RFTN2: variants seen among roughly 807,000 people sequenced by gnomAD.
RFTN2 encodes the protein raftlin family member 2.
In RFTN2, 34 loss-of-function variants were observed where a neutral mutation model predicts 52.7. The observed-to-expected ratio is 0.64, with a 90% CI of 0.49 to 0.86. The LOEUF (loss-of-function observed/expected upper bound fraction) is 0.86, where lower values mean the gene tolerates loss of function less well. Ranked by LOEUF, RFTN2 falls within the 40% of genes least tolerant of loss-of-function variation. The pLI is 0.00. For missense variants in RFTN2, 536 were observed against 600.1 expected (o/e 0.89, Z 1.12); for synonymous variants, 203 against 217.7 (o/e 0.93, Z 0.59).
chr2:197,673,896 TAC>T (rs1372974673), intron 1 of RFTN2, among the ~76,000 whole-genome samples: 2 of 152,170 alleles, frequency 1.3e-5, no homozygotes, highest in African/African-American at 4.8e-5. Context: ...AATTCATGAA[TAC>T]ACAGTGTTTC....
At chr2:197,621,530 A>G (rs1239793718) in intron 5 of RFTN2, among the ~76,000 whole-genome samples, 1 of 150,946 alleles carries the variant, frequency 6.6e-6, no homozygotes, top group Non-Finnish European at 1.5e-5. Context: ...TTCTTGCAAT[A>G]TTTCAACCTT....
At chr2:197,600,641 C>T (rs989310488) in intron 7 of RFTN2, among the ~76,000 whole-genome samples, 5 of 152,060 alleles carry the variant, frequency 3.3e-5, no homozygotes, top group Admixed American at 3.3e-4. Context: ...AATATTTTTC[C>T]CTTAGCAAAC....
chr2:197,584,289 T>C (rs1275412468), intron 8 of RFTN2, among the ~76,000 whole-genome samples: 4 of 152,198 alleles, frequency 2.6e-5, no homozygotes, highest in Non-Finnish European at 4.4e-5. Context: ...CCAGCACCTG[T>C]TGTTTCCTGA....
chr2:197,581,432 C>T (rs1185409375), intron 8 of RFTN2, among the ~76,000 whole-genome samples: 2 of 152,210 alleles, frequency 1.3e-5, no homozygotes, highest in Non-Finnish European at 2.9e-5. Context: ...CCCTGACACC[C>T]ATCAGTCCCA....
rs2088518388 is a variant in RFTN2 at position 197,634,179 on chromosome 2, C to T, written c.439-182G>A. Among the ~76,000 whole-genome samples, 3 of 152,066 alleles carry T rather than the reference C, an allele frequency of 2.0e-5. No homozygotes were observed. In the South Asian group the frequency reaches 6.2e-4, roughly 32 times the overall value. On this transcript the variant is annotated intron_variant, in intron 3 of 8. Coordinates refer to ENST00000295049, the MANE Select transcript of RFTN2 (RefSeq NM_144629.3). Reference sequence around the variant, plus strand: ...AATAGCACTGCCCCCAAGACCATGCCACATGATCATCATGACCTTCAAACA... The same window carrying T: ...AATAGCACTGCCCCCAAGACCATGCTACATGATCATCATGACCTTCAAACA...
chr2:197,635,334 C>T (rs2088548004), intron 3 of RFTN2, among the ~76,000 whole-genome samples: 3 of 152,304 alleles, frequency 2.0e-5, no homozygotes, highest in East Asian at 1.9e-4. Context: ...AACGGTTGAA[C>T]TAGTTTACAG....
chr2:197,616,243 A>G (rs147709593), intron 6 of RFTN2, among the ~76,000 whole-genome samples: 1 of 72,438 alleles, frequency 1.4e-5, no homozygotes, highest in East Asian at 3.4e-4. Context: ...AATTTAATAC[A>G]TGGGGTTGGG....
At position 197,604,795 on chromosome 2, in the gene RFTN2, C is replaced by G. The variant is rs150271815; in HGVS notation, c.1155-8726G>C. Among the ~76,000 whole-genome samples, 533 of 152,272 alleles carry G rather than the reference C, an allele frequency of 3.5e-3. 10 individuals are homozygous for G. Among genetic ancestry groups the G allele is most frequent in the East Asian group, 0.031 (160 of 5,180 alleles). ...ATTTATTTTGAGACAGAGCCTCACT[C>G]TGTTGCCCAGGCTGGAGTGCAGTGG... On this transcript the variant is annotated intron_variant, in intron 7 of 8. Coordinates refer to ENST00000295049, the MANE Select transcript of RFTN2 (RefSeq NM_144629.3).
chr2:197,617,754 T>C (rs1426166477), intron 6 of RFTN2, 46 bp downstream of exon 6: 2 of 737,558 alleles, frequency 2.7e-6, no homozygotes, highest in Non-Finnish European at 3.7e-6. Flanking sequence ...TATTATATAT[T>C]ATATTTATAT....
At chr2:197,585,070 G>T (rs187623026) in intron 8 of RFTN2, among the ~76,000 whole-genome samples, 9 of 152,134 alleles carry the variant, frequency 5.9e-5, no homozygotes, top group Non-Finnish European at 1.0e-4. Flanking sequence ...GGCTGTGTCC[G>T]TTGGACAGCC....
chr2:197,571,831 G>A lies in RFTN2; in HGVS notation c.*177C>T, dbSNP rs1362576603. The A allele has an allele frequency of 4.9e-6, 3 of 609,030 alleles. No homozygotes were observed. The highest frequency in any genetic ancestry group is 8.7e-6 in the Non-Finnish European group (3 of 344,206). 37.7% of individuals were successfully genotyped at this position (609,030 alleles called of 1,614,324 possible). On this transcript the variant is annotated 3_prime_UTR_variant, in exon 9 of 9. Transcript: ENST00000295049. ...AACATGATTCTAAATGTATAAATAT[G>A]TTGGTTATTCTTCCTTGTCTGGGAG...
At chr2:197,604,642 G>C (rs1013095280) in intron 7 of RFTN2, among the ~76,000 whole-genome samples, 3 of 152,190 alleles carry the variant, frequency 2.0e-5, no homozygotes, top group African/African-American at 7.2e-5. Context: ...AGACACATGA[G>C]GTGCTTCTAG....
At chr2:197,660,064 T>G (rs2106265850) in intron 1 of RFTN2, among the ~76,000 whole-genome samples, 1 of 152,334 alleles carries the variant, frequency 6.6e-6, no homozygotes, top group African/African-American at 2.4e-5. Flanking sequence ...AGAAAGGGAC[T>G]AGGTAACTGG....
At chr2:197,614,460 C>G (rs1030854308) in intron 7 of RFTN2, among the ~76,000 whole-genome samples, 1 of 152,162 alleles carries the variant, frequency 6.6e-6, no homozygotes, top group Non-Finnish European at 1.5e-5. Flanking sequence ...ATTCCCTGTG[C>G]AACTTGGTTC....
At chr2:197,593,319 T>C (rs1275230505) in intron 8 of RFTN2, among the ~76,000 whole-genome samples, 6 of 152,080 alleles carry the variant, frequency 3.9e-5, no homozygotes, top group Non-Finnish European at 8.8e-5. Flanking sequence ...GGTGGGAGGA[T>C]TGTTTGAACT....
intron 8 of RFTN2, 69 bp downstream of exon 8, chr2:197,595,922 T>G: frequency 9.3e-7 from 1 of 1,075,352 alleles, no homozygotes; most frequent in African/African-American, 1.6e-5. Context: ...TATTTGGAAT[T>G]ACAATGAGAG....
At chr2:197,616,309 A>ATTTTATTTTATTTTATTTTATTTTATTTT (rs1553601950) in intron 6 of RFTN2, among the ~76,000 whole-genome samples, 3 of 125,090 alleles carry the variant, frequency 2.4e-5, no homozygotes, top group African/African-American at 6.1e-5. Flanking sequence ...ATTTTATTTT[A>ATTTTATTTTATTTTATTTTATTTTATTTT]AAGAGAGGGT....
At chr2:197,620,350 C>A (rs1034969146) in intron 5 of RFTN2, among the ~76,000 whole-genome samples, 1 of 152,074 alleles carries the variant, frequency 6.6e-6, no homozygotes, top group East Asian at 1.9e-4. Context: ...TATGGAAGTT[C>A]TTTTGTCTCC....
chr2:197,600,930 C>T (rs1182972243), intron 7 of RFTN2, among the ~76,000 whole-genome samples: 2 of 152,118 alleles, frequency 1.3e-5, no homozygotes, highest in African/African-American at 4.8e-5. Context: ...AGTTCTAGTA[C>T]AAACTGTTTT....
Sources: gnomAD v4.1 joint callset for allele counts (sites outside exome capture counted in the v4.1 genomes callset) on GRCh38, gnomAD v4.1.1 for gene constraint, MANE v1.5 for transcripts, NCBI Gene and HGNC (gene_info 2026-07-23, HGNC 2026-07-21) for gene names.